The following TMPRSS15 variants were observed in gnomAD, a reference collection of about 807,000 sequenced individuals.
TMPRSS15 encodes the protein enteropeptidase.
A neutral mutation model predicts 125.3 loss-of-function variants in TMPRSS15; 128 were observed. The ratio of observed to expected loss-of-function variants is 1.02; its 90% confidence interval spans 0.89 to 1.18. The LOEUF is 1.18. TMPRSS15 is among the 50% of genes most tolerant of loss of function. The probability of loss-of-function intolerance (pLI) is 0.00; values close to 1 mark genes in which losing one functional copy is unlikely to be tolerated. For missense variants in TMPRSS15, 1,283 were observed against 1,212.7 expected (o/e 1.06, Z -0.86); for synonymous variants, 446 against 423.2 (o/e 1.05, Z -0.66).
chr21:18,270,666 G>GTGA (rs1253371592), intron 24 of TMPRSS15, among the ~76,000 whole-genome samples: 1 of 152,152 alleles, frequency 6.6e-6, no homozygotes, highest in Non-Finnish European at 1.5e-5. Context: ...AAGGAAGTCT[G>GTGA]TGATATAATT....
intron 1 of TMPRSS15, among the ~76,000 whole-genome samples, chr21:18,445,551 T>C (rs1181159718): frequency 6.6e-6 from 1 of 152,078 alleles, no homozygotes; most frequent in Admixed American, 6.6e-5. Flanking sequence ...TTCACTATCA[T>C]GAATATTGCT....
intron 1 of TMPRSS15, among the ~76,000 whole-genome samples, chr21:18,435,057 A>T (rs2076224863): frequency 6.6e-6 from 1 of 152,014 alleles, no homozygotes; most frequent in Admixed American, 6.6e-5. Context: ...CACTTACTTG[A>T]GATAAAAATA....
intron 16 of TMPRSS15, among the ~76,000 whole-genome samples, chr21:18,322,166 C>T (rs949255935): frequency 4.6e-5 from 7 of 152,066 alleles, no homozygotes; most frequent in African/African-American, 1.7e-4. Flanking sequence ...TTTTCAAAAT[C>T]TTTGACATTG....
chr21:18,322,645 G>T (rs546693879), intron 16 of TMPRSS15, among the ~76,000 whole-genome samples: 16 of 152,314 alleles, frequency 1.1e-4, no homozygotes, highest in African/African-American at 3.6e-4. Context: ...AATGTTGCAT[G>T]TTCTCATTCA....
intron 17 of TMPRSS15, among the ~76,000 whole-genome samples, chr21:18,314,579 G>A (rs911032694): frequency 6.6e-6 from 1 of 152,146 alleles, no homozygotes; most frequent in South Asian, 2.1e-4. Context: ...CGCCTGACCA[G>A]CTATACCTAA....
chr21:18,450,775 A>G (rs959097746), intron 1 of TMPRSS15, among the ~76,000 whole-genome samples: 26 of 152,226 alleles, frequency 1.7e-4, no homozygotes, highest in Non-Finnish European at 4.4e-5. Flanking sequence ...ATGCGTATCT[A>G]TAAATTCCAG....
chr21:18,365,716 C>T (rs2075729388), intron 6 of TMPRSS15, among the ~76,000 whole-genome samples: 1 of 98,734 alleles, frequency 1.0e-5, no homozygotes, highest in Non-Finnish European at 2.0e-5. Context: ...CTCTCTCTCT[C>T]TTTCTTTCTC....
intron 1 of TMPRSS15, among the ~76,000 whole-genome samples, chr21:18,452,420 T>C (rs1375072274): frequency 2.0e-5 from 3 of 152,158 alleles, no homozygotes; most frequent in Non-Finnish European, 4.4e-5. Context: ...TCCCAGCACT[T>C]TGGGAGGCCG....
intron 18 of TMPRSS15, among the ~76,000 whole-genome samples, chr21:18,306,199 A>G (rs928431860): frequency 1.3e-5 from 2 of 152,138 alleles, no homozygotes; most frequent in African/African-American, 4.8e-5. Flanking sequence ...TTTTCCCCAC[A>G]TACTTGAAAA....
intron 19 of TMPRSS15, among the ~76,000 whole-genome samples, chr21:18,297,491 T>C (rs1414294091): frequency 6.6e-6 from 1 of 152,212 alleles, no homozygotes; most frequent in Admixed American, 6.5e-5. Flanking sequence ...CAAATCCCTA[T>C]GAGTGTGCCA....
intron 1 of TMPRSS15, among the ~76,000 whole-genome samples, chr21:18,467,888 C>T (rs1398750586): frequency 6.6e-6 from 1 of 151,832 alleles, no homozygotes; most frequent in Non-Finnish European, 1.5e-5. Flanking sequence ...CTGAGAGAAA[C>T]TGAAAGTATG....
chr21:18,461,887 G>A (rs1033882703), intron 1 of TMPRSS15, among the ~76,000 whole-genome samples: 1 of 152,014 alleles, frequency 6.6e-6, no homozygotes, highest in Non-Finnish European at 1.5e-5. Context: ...TATGGGAGGA[G>A]GAGTTTCTTT....
Position 18,281,139 on chromosome 21 carries a change from G to A in TMPRSS15, c.2569C>T (p.Arg857Ter), listed in dbSNP as rs121908059. ...SNLTSPQTVP[R>*]LIDEIVINPH... The stretch of plus-strand genomic sequence containing the variant: ...TTTATGACAATTTCATCTATTAATC[G>A]AGGGACTGTTTGAGGAGAGGTCAGA... The change falls in exon 22 of 25, where the codon CGA becomes TGA. Residue 857 changes from arginine (R) to a stop codon, truncating the protein, a stop_gained. Transcript: ENST00000284885. LOFTEE classifies it high-confidence loss of function. 2.5e-5 allele frequency: 41 copies of A among 1,613,660 alleles called. No individual in the cohort carries two copies. The highest frequency in any genetic ancestry group is 3.4e-5 in the Non-Finnish European group (40 of 1,179,968).
At chr21:18,430,144 C>T (rs985440074) in intron 1 of TMPRSS15, among the ~76,000 whole-genome samples, 8 of 152,098 alleles carry the variant, frequency 5.3e-5, no homozygotes, top group African/African-American at 1.7e-4. Flanking sequence ...GAAAATATTG[C>T]ATTAAAATTA....
intron 13 of TMPRSS15, among the ~76,000 whole-genome samples, chr21:18,340,189 A>G (rs1051600640): frequency 6.6e-6 from 1 of 152,164 alleles, no homozygotes; most frequent in African/African-American, 2.4e-5. Context: ...CAGTCTGGGT[A>G]GGCACAATAT....
chr21:18,332,185 A>G lies in TMPRSS15; in HGVS notation c.1565-12T>C, dbSNP rs1298585500. ...TCCTCCACAGTCCGCTGAAAAGGAA[A>G]GCAATGGGAAATCATCAGTAATACA... On this transcript the variant is annotated splice_polypyrimidine_tract_variant and intron_variant, in intron 13 of 24. Coordinates refer to ENST00000284885, the MANE Select transcript of TMPRSS15 (RefSeq NM_002772.3). The G allele has an allele frequency of 3.1e-6, 5 of 1,606,024 alleles. No individual in the cohort carries two copies. The highest frequency in any genetic ancestry group is 4.3e-6 in the Non-Finnish European group (5 of 1,172,702).
At chr21:18,436,336 T>G (rs989696341) in intron 1 of TMPRSS15, among the ~76,000 whole-genome samples, 270 of 152,282 alleles carry the variant, frequency 1.8e-3, no homozygotes, top group African/African-American at 6.2e-3. Context: ...GTTGTGTTTT[T>G]GTTCTCATTG....
In TMPRSS15 at chr21:18,452,035, G is replaced by A. The variant is rs1019262316; in HGVS notation, c.10+33764C>T. ...AAAAAGATTCATTATGATTTTACTC[G>A]AGATCAATAGCTACATCCGAATTTT... On this transcript the variant is annotated intron_variant, in intron 1 of 7. Coordinates refer to the TMPRSS15 transcript ENST00000422787. 9.9e-5 allele frequency among the ~76,000 whole-genome samples: 15 copies of A among 152,058 alleles called. 2 individuals carry two copies. Among genetic ancestry groups the A allele is most frequent in the Admixed American group, 5.9e-4 (9 of 15,270 alleles).
At chr21:18,299,857 G>A (rs2074946635) in intron 18 of TMPRSS15, among the ~76,000 whole-genome samples, 1 of 152,132 alleles carries the variant, frequency 6.6e-6, no homozygotes, top group African/African-American at 2.4e-5. Context: ...TCTAGGGTAG[G>A]GTCCGGCTAT....
Sources: allele counts gnomAD v4.1 joint callset (sites outside exome capture counted in the v4.1 genomes callset), GRCh38; gene constraint gnomAD v4.1.1; transcripts MANE v1.5; gene names NCBI Gene and HGNC (gene_info 2026-07-23, HGNC 2026-07-21).